Variants in SMARCD3 observed in about 807,000 individuals in gnomAD.
The protein encoded by SMARCD3 is SWI/SNF-related matrix-associated actin-dependent regulator of chromatin subfamily D member 3.
Under a neutral mutation model 58.0 loss-of-function variants are expected in SMARCD3, and 14 were observed. The ratio of observed to expected loss-of-function variants is 0.24; its 90% CI spans 0.16 to 0.38. SMARCD3 has a LOEUF of 0.38. Among genes scored for constraint, SMARCD3 ranks in the 10% least tolerant of loss-of-function variants. SMARCD3 has a pLI of 1.00. For synonymous variants in SMARCD3, 253 were observed against 253.8 expected (o/e 1.00, Z 0.03); for missense variants, 408 against 636.9 (o/e 0.64, Z 3.87).
At position 151,243,297 on chromosome 7, in the gene SMARCD3, C is replaced by G. The variant is rs1208284360; in HGVS notation, c.333+362G>C. On this transcript the variant is annotated intron_variant, in intron 3 of 12. Coordinates refer to ENST00000262188, the MANE Select transcript of SMARCD3 (RefSeq NM_001003801.2). This position sits in a 1 kb window ranked among gnomAD's most constrained non-coding sequence, Gnocchi z 4.4. Reference sequence around the variant, plus strand: ...CACACCTGTCCCAACTGTGCTGTCCCCATACCCAGCTGGACCTGGGTCTCT... The same window carrying G: ...CACACCTGTCCCAACTGTGCTGTCCGCATACCCAGCTGGACCTGGGTCTCT... Among the ~76,000 whole-genome samples, 3 of 152,182 alleles carry G rather than the reference C, an allele frequency of 2.0e-5. No homozygotes were observed. The highest frequency in any genetic ancestry group is 7.2e-5 in the African/African-American group (3 of 41,440).
intron 2 of SMARCD3, among the ~76,000 whole-genome samples, chr7:151,272,328 C>G (rs1247520476): frequency 6.6e-6 from 1 of 152,156 alleles, no homozygotes; most frequent in South Asian, 2.1e-4. Flanking sequence ...TAGCCACATC[C>G]TAGGCAACAC....
chr7:151,259,610 T>TG lies in SMARCD3; in HGVS notation c.40-13940_40-13939insC, dbSNP rs1563682439. Among the ~76,000 whole-genome samples the TG allele has an allele frequency of 5.7e-4, 67 of 118,170 alleles. 2 individuals carry two copies. The highest frequency in any genetic ancestry group is 1.9e-3 in the Admixed American group (24 of 12,706). The allele number at this position is 118,170 out of a possible 152,430, so 77.5% of individuals were successfully genotyped here. A position where few individuals can be genotyped will look rare whatever the true frequency, so the allele number is the denominator to read the frequency against. On this transcript the variant is annotated intron_variant, in intron 2 of 13. Transcript: ENST00000356800. The stretch of plus-strand genomic sequence containing the variant: ...AGGTTACAACCTGAGAGTTTTTTTT[T>TG]TTTTTTTTTTTTTTTTGAGACGGAC...
upstream of SMARCD3, among the ~76,000 whole-genome samples, chr7:151,250,915 G>A (rs557860233): frequency 2.6e-5 from 4 of 152,210 alleles, no homozygotes; most frequent in South Asian, 2.1e-4. Context: ...GAGTTACCAT[G>A]GGCACCCCCA....
Position 151,239,988 on chromosome 7 carries a change from CTTT to C in SMARCD3, c.1173+121_1173+123del, listed in dbSNP as rs552440384. 3.0e-3 allele frequency: 2,441 copies of C among 824,956 alleles called. No individual in the cohort carries two copies. Among genetic ancestry groups the C allele is most frequent in the Non-Finnish European group, 3.4e-3 (1,905 of 554,128 alleles). 51.1% of individuals were successfully genotyped at this position (824,956 alleles called of 1,614,324 possible). A position where few individuals can be genotyped will look rare whatever the true frequency, so the allele number is the denominator to read the frequency against. Reference sequence around the variant, plus strand: ...GTCCCATTGGCCCAGAGTCTGGTCTCTTTTTTTTTTTTTTTTTTAATTTAACCC... The same window carrying C: ...GTCCCATTGGCCCAGAGTCTGGTCTCTTTTTTTTTTTTTTTAATTTAACCC... On this transcript the variant is annotated intron_variant, in intron 10 of 12. Transcript: ENST00000262188. The surrounding 1 kb of genome is among the most constrained non-coding windows in gnomAD (Gnocchi z 7.0).
chr7:151,260,069 C>T (rs977582875), intron 2 of SMARCD3, among the ~76,000 whole-genome samples: 20 of 152,174 alleles, frequency 1.3e-4, no homozygotes, highest in Non-Finnish European at 2.1e-4. Context: ...AAATGAGGCT[C>T]TAAGAAGTTG....
At chr7:151,272,571 C>G (rs758779352) in intron 2 of SMARCD3, among the ~76,000 whole-genome samples, 16 of 152,258 alleles carry the variant, frequency 1.1e-4, no homozygotes, top group Middle Eastern at 3.4e-3. Flanking sequence ...CAGTAGGAGG[C>G]CTGTGTGGGG....
chr7:151,257,674 G>A (rs1200826908), intron 2 of SMARCD3, among the ~76,000 whole-genome samples: 2 of 152,108 alleles, frequency 1.3e-5, no homozygotes, highest in African/African-American at 4.8e-5. Flanking sequence ...GTGGAGGGAG[G>A]ACACTTTCCC....
At chr7:151,271,283 C>T (rs1026541723) in intron 2 of SMARCD3, among the ~76,000 whole-genome samples, 6 of 152,164 alleles carry the variant, frequency 3.9e-5, no homozygotes, top group African/African-American at 1.2e-4. Flanking sequence ...CTCTTCTAGA[C>T]GAGTCTGTTT....
intron 2 of SMARCD3, among the ~76,000 whole-genome samples, chr7:151,268,316 T>G (rs1165233130): frequency 6.6e-6 from 1 of 152,162 alleles, no homozygotes; most frequent in Non-Finnish European, 1.5e-5. Flanking sequence ...GACAATCGGG[T>G]GGAGCTGAGG....
At chr7:151,244,004 C>T (rs1011302965) in intron 2 of SMARCD3, among the ~76,000 whole-genome samples, 1 of 152,256 alleles carries the variant, frequency 6.6e-6, no homozygotes, top group South Asian at 2.1e-4. Context: ...CCAAAAGATG[C>T]GAGCTGCAGA....
chr7:151,241,813 T>C lies in SMARCD3; in HGVS notation c.777+64A>G. ...GGAGGTCTCTCAAGATGCACCACTT[T>C]GGGACCTAGCCCTGCCCTGAGGGCC... On this transcript the variant is annotated intron_variant, in intron 7 of 12. Coordinates refer to ENST00000262188, the MANE Select transcript of SMARCD3 (RefSeq NM_001003801.2). The surrounding 1 kb of genome is among the most constrained non-coding windows in gnomAD (Gnocchi z 5.3). 6.8e-7 allele frequency: 1 copy of C among 1,475,042 alleles called. No individual in the cohort carries two copies. The highest frequency in any genetic ancestry group is 9.4e-7 in the Non-Finnish European group (1 of 1,069,370). The allele number at this position is 1,475,042 out of a possible 1,614,324, so 91.4% of individuals were successfully genotyped here.
intron 2 of SMARCD3, among the ~76,000 whole-genome samples, chr7:151,259,600 A>ATTTTT (rs1563682239): frequency 1.5e-5 from 1 of 67,918 alleles, no homozygotes; most frequent in African/African-American, 7.8e-5. Context: ...ACAACCTGAG[A>ATTTTT]GTTTTTTTTT....
chr7:151,242,625 C>T lies in SMARCD3; in HGVS notation c.457-22G>A. The T allele has an allele frequency of 6.2e-7, 1 of 1,612,432 alleles. No homozygotes were observed. Among genetic ancestry groups the T allele is most frequent in the East Asian group, 2.2e-5 (1 of 44,824 alleles). ...TTTGCTGTAGAAATAGAGTGCAGAA[C>T]CGGGCGAATGCTGTGTGCTCCCACC... On this transcript the variant is annotated intron_variant, in intron 4 of 12. Coordinates refer to ENST00000262188, the MANE Select transcript of SMARCD3 (RefSeq NM_001003801.2). The surrounding 1 kb of genome is among the most constrained non-coding windows in gnomAD (Gnocchi z 4.7).
intron 2 of SMARCD3, among the ~76,000 whole-genome samples, chr7:151,266,334 T>G (rs1356112801): frequency 6.6e-6 from 1 of 152,186 alleles, no homozygotes; most frequent in Non-Finnish European, 1.5e-5. Flanking sequence ...GTTGTCTTTT[T>G]GTCTCAAGAA....
chr7:151,240,311 T>TG, intron 9 of SMARCD3, 64 bp from the exon 10 acceptor site: 1 of 1,608,432 alleles, frequency 6.2e-7, no homozygotes, highest in Non-Finnish European at 8.5e-7. Context: ...GCCCCGGGGC[T>TG]GGGGCAGATC....
intron 2 of SMARCD3, among the ~76,000 whole-genome samples, chr7:151,259,393 C>CTGTGTGTGTG (rs758652327): frequency 0.029 from 3,878 of 135,954 alleles, 90 homozygotes; most frequent in African/African-American, 0.051. Flanking sequence ...AAGGTAGGGG[C>CTGTGTGTGTG]TGTGTGTGTG....
In SMARCD3 at chr7:151,248,603, T is replaced by C. The variant is rs756188637; in HGVS notation, c.-41A>G. 2 of 1,600,992 alleles carry C rather than the reference T, an allele frequency of 1.2e-6. No individual in the cohort carries two copies. Among genetic ancestry groups the C allele is most frequent in the Non-Finnish European group, 8.5e-7 (1 of 1,171,642 alleles). ...GGCTCCTCTCACTCTCTCTCTCTCT[T>C]CCTCTTTCTTTCCCTTTTCTGCCTT... On this transcript the variant is annotated 5_prime_UTR_variant, in exon 1 of 13. Transcript: ENST00000262188. This position sits in a 1 kb window ranked among gnomAD's most constrained non-coding sequence, Gnocchi z 6.1.
In SMARCD3 at chr7:151,245,684, G is replaced by T; in HGVS notation, c.79-13C>A. ...GCATCCCGGGGCGCTGGGGGTGGGC[G>T]GGGGTGAAGCAGAAACGGGCGCCCG... On this transcript the variant is annotated splice_polypyrimidine_tract_variant and intron_variant, in intron 1 of 12. Coordinates refer to ENST00000262188, the MANE Select transcript of SMARCD3 (RefSeq NM_001003801.2). The surrounding 1 kb of genome is among the most constrained non-coding windows in gnomAD (Gnocchi z 6.2). The T allele has an allele frequency of 2.3e-6, 2 of 851,584 alleles. No homozygotes were observed. The highest frequency in any genetic ancestry group is 5.9e-5 in the South Asian group (1 of 16,868). 52.8% of individuals were successfully genotyped at this position (851,584 alleles called of 1,614,324 possible). A position where few individuals can be genotyped will look rare whatever the true frequency, so the allele number is the denominator to read the frequency against.
At chr7:151,244,225 G>A (rs1803146312) in intron 2 of SMARCD3, among the ~76,000 whole-genome samples, 2 of 152,032 alleles carry the variant, frequency 1.3e-5, no homozygotes, top group Admixed American at 1.3e-4. Context: ...GGGCTTGGAA[G>A]AGAACGCTGA....
Sources: allele counts gnomAD v4.1 joint callset (sites outside exome capture counted in the v4.1 genomes callset), GRCh38; gene constraint gnomAD v4.1.1; non-coding constraint Gnocchi (gnomAD v3.1); transcripts MANE v1.5; gene names NCBI Gene and HGNC (gene_info 2026-07-23, HGNC 2026-07-21).